The following SLC22A3 variants were observed in gnomAD, a reference collection of about 807,000 sequenced individuals.
SLC22A3 encodes solute carrier family 22 member 3, also known as EMT organic cation transporter 3.
SLC22A3 carries 51 observed loss-of-function variants against 59.1 expected under a neutral mutation model. That is an observed-to-expected ratio of 0.86 (90% CI 0.69 to 1.09). The LOEUF is 1.09. Ranked by LOEUF, SLC22A3 falls within the 50% of genes least tolerant of loss-of-function variation. The pLI, the probability that SLC22A3 is intolerant of heterozygous loss-of-function variation, is 0.00. For synonymous variants in SLC22A3, 325 were observed against 292.0 expected, an observed-to-expected ratio of 1.11 and a Z score of -1.15; for missense variants, 711 against 726.3, an observed-to-expected ratio of 0.98 and a Z score of 0.24.
At chr6:160,412,338 G>A (rs138905425) in intron 5 of SLC22A3, among the ~76,000 whole-genome samples, 19 of 152,264 alleles carry the variant, frequency 1.2e-4, no homozygotes, top group African/African-American at 4.3e-4. Context: ...ACTCCAGCCT[G>A]AGCAAAAAGA....
At chr6:160,382,491 G>T (rs770325099) in intron 1 of SLC22A3, among the ~76,000 whole-genome samples, 2 of 152,324 alleles carry the variant, frequency 1.3e-5, no homozygotes, top group South Asian at 4.1e-4. Flanking sequence ...AGAGCTTGTA[G>T]TTTGAGTCCA....
intron 1 of SLC22A3, among the ~76,000 whole-genome samples, chr6:160,374,005 A>G (rs888002980): frequency 6.6e-6 from 1 of 152,044 alleles, no homozygotes; most frequent in Non-Finnish European, 1.5e-5. Context: ...CCCCCTTTCC[A>G]GGGGAGAGAA....
intron 1 of SLC22A3, among the ~76,000 whole-genome samples, chr6:160,376,261 A>G (rs1785586959): frequency 6.6e-6 from 1 of 151,182 alleles, no homozygotes; most frequent in African/African-American, 2.4e-5. Context: ...CAAACACCAC[A>G]TGTTCTCACT....
In SLC22A3 at chr6:160,348,765, G is replaced by A. The variant is rs8187717; in HGVS notation, c.346G>A (p.Ala116Thr). 4.5e-6 allele frequency: 7 copies of A among 1,544,940 alleles called. No individual in the cohort carries two copies. In the African/African-American group the frequency reaches 6.8e-5, roughly 15 times the overall value. ...TCTCAGCTGCGCGGACCCACTCGCC[G>A]CCTTCCCCAACCGCTCGGCTCCCCT... The part of the protein sequence containing the change: ...SALSCADPLA[A>T]FPNRSAPLVP... The change falls in exon 1 of 11, where the codon GCC (alanine) becomes ACC (threonine). Residue 116 changes from alanine to threonine, a missense_variant. Transcript: ENST00000275300.
intron 1 of SLC22A3, among the ~76,000 whole-genome samples, chr6:160,370,742 T>C (rs535982781): frequency 6.6e-5 from 10 of 152,352 alleles, no homozygotes; most frequent in African/African-American, 2.4e-4. Context: ...CTTAAGTTCA[T>C]ATTTTGCATG....
chr6:160,390,288 C>G (rs888732075), intron 1 of SLC22A3, among the ~76,000 whole-genome samples: 10 of 151,996 alleles, frequency 6.6e-5, no homozygotes, highest in South Asian at 2.1e-4. Context: ...AAAGCAAGAG[C>G]GGCAGGAAGG....
chr6:160,421,595 G>A (rs1389347557), intron 5 of SLC22A3, among the ~76,000 whole-genome samples: 1 of 152,160 alleles, frequency 6.6e-6, no homozygotes, highest in Non-Finnish European at 1.5e-5. Flanking sequence ...AGCCCCGGCA[G>A]TATTACAAAC....
At chr6:160,361,789 C>A (rs191814418) in intron 1 of SLC22A3, among the ~76,000 whole-genome samples, 1 of 152,254 alleles carries the variant, frequency 6.6e-6, no homozygotes, top group African/African-American at 2.4e-5. Flanking sequence ...TGTAAATCAA[C>A]AAGTAAAAGA....
intron 2 of SLC22A3, among the ~76,000 whole-genome samples, chr6:160,402,070 G>A (rs1408312353): frequency 6.6e-6 from 1 of 151,872 alleles, no homozygotes; most frequent in Non-Finnish European, 1.5e-5. Flanking sequence ...GTCTAAATGA[G>A]CCAACTAAAA....
chr6:160,437,637 A>ATTTAAT (rs1474947862), intron 7 of SLC22A3, among the ~76,000 whole-genome samples: 3 of 152,232 alleles, frequency 2.0e-5, no homozygotes, highest in Non-Finnish European at 4.4e-5. Flanking sequence ...GGATACAGAT[A>ATTTAAT]CTTTAATATT....
chr6:160,393,689 T>C (rs1786355751), intron 1 of SLC22A3, among the ~76,000 whole-genome samples: 1 of 152,238 alleles, frequency 6.6e-6, no homozygotes, highest in Non-Finnish European at 1.5e-5. Flanking sequence ...TTTTGAATAC[T>C]TGCATTATTT....
chr6:160,372,928 G>A (rs1468795197), intron 1 of SLC22A3, among the ~76,000 whole-genome samples: 1 of 152,058 alleles, frequency 6.6e-6, no homozygotes, highest in African/African-American at 2.4e-5. Flanking sequence ...TAGCTTCCTT[G>A]CATTGGGTTA....
intron 2 of SLC22A3, among the ~76,000 whole-genome samples, chr6:160,406,553 A>C (rs996581049): frequency 6.6e-6 from 1 of 152,226 alleles, no homozygotes; most frequent in Non-Finnish European, 1.5e-5. Context: ...TCCTCTCTAC[A>C]ACCTCCCTCT....
chr6:160,356,603 G>T (rs968375236), intron 1 of SLC22A3, among the ~76,000 whole-genome samples: 2 of 152,180 alleles, frequency 1.3e-5, no homozygotes, highest in Non-Finnish European at 2.9e-5. Flanking sequence ...AGGGTGCAGC[G>T]CTGTCCCCTT....
chr6:160,387,554 G>T (rs1185556383), intron 1 of SLC22A3, among the ~76,000 whole-genome samples: 1 of 152,226 alleles, frequency 6.6e-6, no homozygotes, highest in Non-Finnish European at 1.5e-5. Flanking sequence ...TGGAATGTCT[G>T]CATTCAGAAG....
chr6:160,379,855 C>T (rs1296754591), intron 1 of SLC22A3, among the ~76,000 whole-genome samples: 1 of 152,152 alleles, frequency 6.6e-6, no homozygotes, highest in Non-Finnish European at 1.5e-5. Flanking sequence ...AGGCTTCTTT[C>T]AAAAGTGTTG....
chr6:160,411,772 CA>C (rs1787260033), intron 5 of SLC22A3, among the ~76,000 whole-genome samples: 1 of 152,008 alleles, frequency 6.6e-6, no homozygotes, highest in Admixed American at 6.6e-5. Context: ...TGAAATGGGA[CA>C]AAAATTAAAA....
Position 160,437,734 on chromosome 6 carries a change from T to C in SLC22A3, c.1288+523T>C, listed in dbSNP as rs180962394. Among the ~76,000 whole-genome samples, 336 of 152,264 alleles carry C rather than the reference T, an allele frequency of 2.2e-3. 1 individual carries two copies. Among genetic ancestry groups the C allele is most frequent in the East Asian group, 4.0e-3 (21 of 5,186 alleles). The stretch of plus-strand genomic sequence containing the variant: ...AGATTTAGAAATATAAAAAAATAGA[T>C]TGGGGAGGAGTGATCAATCCAGAAG... On this transcript the variant is annotated intron_variant, in intron 7 of 10. Coordinates refer to ENST00000275300, the MANE Select transcript of SLC22A3 (RefSeq NM_021977.4).
intron 7 of SLC22A3, 68 bp downstream of exon 7, chr6:160,437,279 AG>A: frequency 6.8e-7 from 1 of 1,464,726 alleles, no homozygotes; most frequent in Non-Finnish European, 9.5e-7. Flanking sequence ...AATCAAGTAT[AG>A]GGAGCCACTT....
Sources: allele counts gnomAD v4.1 joint callset (sites outside exome capture counted in the v4.1 genomes callset), GRCh38; gene constraint gnomAD v4.1.1; transcripts MANE v1.5; gene names NCBI Gene and HGNC (gene_info 2026-07-23, HGNC 2026-07-21).